ATP8B4: variants seen among roughly 807,000 people sequenced by gnomAD.
ATP8B4 encodes the protein probable phospholipid-transporting ATPase IM.
Under a neutral mutation model 145.6 loss-of-function variants are expected in ATP8B4, and 133 were observed. The observed-to-expected ratio is 0.91, with a 90% CI of 0.79 to 1.05. The LOEUF is 1.05. Among genes scored for constraint, ATP8B4 ranks in the 50% least tolerant of loss-of-function variants. ATP8B4 has a pLI of 0.00. For synonymous variants in ATP8B4, 507 were observed against 492.9 expected, an observed-to-expected ratio of 1.03 and a Z score of -0.38; for missense variants, 1,458 against 1,425.2, an observed-to-expected ratio of 1.02 and a Z score of -0.37.
chr15:49,876,870 C>T (rs558498091), intron 24 of ATP8B4, among the ~76,000 whole-genome samples: 2 of 152,294 alleles, frequency 1.3e-5, no homozygotes, highest in African/African-American at 4.8e-5. Flanking sequence ...CATTCGTGCT[C>T]CCAGAATTCC....
chr15:50,088,421 C>A (rs546284426), intron 2 of ATP8B4, among the ~76,000 whole-genome samples: 1 of 152,210 alleles, frequency 6.6e-6, no homozygotes, highest in African/African-American at 2.4e-5. Context: ...CATCTTCATT[C>A]AACTCCAGCC....
intron 2 of ATP8B4, 128 bp downstream of exon 2, chr15:50,106,811 C>T (rs1214275017): frequency 7.3e-6 from 6 of 820,430 alleles, no homozygotes; most frequent in South Asian, 2.0e-5. Flanking sequence ...TGTATATAAT[C>T]GTCGAAGTTC....
intron 1 of ATP8B4, among the ~76,000 whole-genome samples, chr15:50,173,072 A>G: frequency 7.7e-6 from 1 of 129,110 alleles, no homozygotes; most frequent in Non-Finnish European, 1.6e-5. Context: ...CCCATCCGGG[A>G]GGTGGGGGGC....
intron 23 of ATP8B4, among the ~76,000 whole-genome samples, chr15:49,884,676 T>G (rs149733510): frequency 6.6e-6 from 1 of 150,886 alleles, no homozygotes; most frequent in African/African-American, 2.4e-5. Context: ...TTTAATGTAA[T>G]TGAGAGCATA....
intron 13 of ATP8B4, among the ~76,000 whole-genome samples, chr15:49,965,996 C>T (rs932506092): frequency 1.3e-5 from 2 of 152,130 alleles, no homozygotes; most frequent in Admixed American, 6.5e-5. Context: ...GGGGTGTCAC[C>T]TCACCGGGGA....
chr15:50,006,471 T>C (rs1249484761), intron 7 of ATP8B4, among the ~76,000 whole-genome samples: 1 of 108,464 alleles, frequency 9.2e-6, no homozygotes, highest in African/African-American at 3.9e-5. Flanking sequence ...AAAAGAGCAA[T>C]GAGGGCAATG....
chr15:50,170,403 A>G (rs1401080797), intron 1 of ATP8B4, among the ~76,000 whole-genome samples: 1 of 152,144 alleles, frequency 6.6e-6, no homozygotes, highest in Non-Finnish European at 1.5e-5. Flanking sequence ...TCAGCCAAGA[A>G]TTTTGTGTCC....
intron 6 of ATP8B4, among the ~76,000 whole-genome samples, chr15:50,034,275 G>A (rs1375848196): frequency 6.7e-6 from 1 of 148,764 alleles, no homozygotes; most frequent in East Asian, 2.0e-4. Context: ...TTGTCACCCA[G>A]GCTGGAGTGC....
At chr15:50,076,296 A>T (rs1304284437) in intron 2 of ATP8B4, among the ~76,000 whole-genome samples, 14 of 152,108 alleles carry the variant, frequency 9.2e-5, no homozygotes, top group Admixed American at 9.2e-4. Context: ...GATCGAGACC[A>T]TCCTGGCCAA....
chr15:49,972,751 G>A lies in ATP8B4; in HGVS notation c.1074C>T (p.Asn358=). ...VIRLGHSYFI[N]WDRKMYYSRK... The stretch of plus-strand genomic sequence containing the variant: ...GAGAATAATACATCTTCCGGTCCCA[G>A]TTTATAAAATAACTGTGTCCTAGAC... The change falls in exon 13 of 28, where the codon AAC becomes AAT. Residue 358 remains asparagine, a synonymous_variant. Transcript: ENST00000284509. 4.3e-6 allele frequency: 7 copies of A among 1,613,948 alleles called. No homozygotes were observed. The highest frequency in any genetic ancestry group is 5.9e-6 in the Non-Finnish European group (7 of 1,179,954).
intron 14 of ATP8B4, among the ~76,000 whole-genome samples, chr15:49,947,416 C>T (rs536460872): frequency 1.2e-4 from 16 of 129,872 alleles, no homozygotes; most frequent in South Asian, 2.4e-4. Flanking sequence ...TGGCGACTGG[C>T]GACAGAGTGA....
At chr15:49,882,819 T>C (rs1395360188) in intron 23 of ATP8B4, among the ~76,000 whole-genome samples, 1 of 152,230 alleles carries the variant, frequency 6.6e-6, no homozygotes, top group East Asian at 1.9e-4. Flanking sequence ...GTTGGGTGTT[T>C]GGAAATGTTA....
intron 14 of ATP8B4, among the ~76,000 whole-genome samples, chr15:49,947,897 T>A (rs2042720603): frequency 7.0e-6 from 1 of 142,272 alleles, no homozygotes. Context: ...TTCAACAGAG[T>A]GAGGAAAACT....
intron 5 of ATP8B4, among the ~76,000 whole-genome samples, chr15:50,044,190 T>C (rs990176152): frequency 6.6e-6 from 1 of 152,144 alleles, no homozygotes; most frequent in African/African-American, 2.4e-5. Flanking sequence ...CCTAATATAA[T>C]GACAAGAATG....
At chr15:50,114,133 T>TTTTTTTTTTTTTTTTTTTTTTTTTTTTG (rs1440001741) in intron 1 of ATP8B4, among the ~76,000 whole-genome samples, 1 of 126,734 alleles carries the variant, frequency 7.9e-6, no homozygotes, top group Non-Finnish European at 1.6e-5. Context: ...TTTTTTAATT[T>TTTTTTTTTTTTTTTTTTTTTTTTTTTTG]TCATAGACTA....
intron 1 of ATP8B4, among the ~76,000 whole-genome samples, chr15:50,159,240 T>C (rs2044479406): frequency 6.6e-6 from 1 of 152,240 alleles, no homozygotes; most frequent in Non-Finnish European, 1.5e-5. Flanking sequence ...TTCTTAGGTA[T>C]TTTATTTTAT....
chr15:50,043,691 C>T (rs1017944115), intron 5 of ATP8B4, among the ~76,000 whole-genome samples: 3 of 152,250 alleles, frequency 2.0e-5, no homozygotes, highest in East Asian at 1.9e-4. Context: ...CGGTGGCTCA[C>T]GCCTGTAATC....
intron 3 of ATP8B4, among the ~76,000 whole-genome samples, chr15:50,069,562 T>G (rs942831254): frequency 2.0e-5 from 3 of 152,310 alleles, no homozygotes; most frequent in African/African-American, 7.2e-5. Flanking sequence ...ACTCTTAGCC[T>G]CAGATTGTAA....
At chr15:50,088,683 C>T (rs73400845) in intron 2 of ATP8B4, among the ~76,000 whole-genome samples, 221 of 152,220 alleles carry the variant, frequency 1.5e-3, no homozygotes, top group African/African-American at 4.9e-3. Context: ...CTTTCTGCCC[C>T]GCCCCCGACC....
Sources: gnomAD v4.1 joint callset for allele counts (sites outside exome capture counted in the v4.1 genomes callset) on GRCh38, gnomAD v4.1.1 for gene constraint, MANE v1.5 for transcripts, NCBI Gene and HGNC (gene_info 2026-07-23, HGNC 2026-07-21) for gene names.